METTL15: variants seen among roughly 807,000 people sequenced by gnomAD.
METTL15 encodes the protein methyltransferase 15, mitochondrial 12S rRNA N4-cytidine.
Under a neutral mutation model 38.3 loss-of-function variants are expected in METTL15, and 34 were observed. The observed-to-expected ratio is 0.89, with a 90% CI of 0.68 to 1.18. METTL15 has a LOEUF of 1.18. METTL15 is among the 50% of genes most tolerant of loss of function. METTL15 has a pLI of 0.00. For synonymous variants in METTL15, 162 were observed against 170.9 expected (o/e 0.95, Z 0.41); for missense variants, 438 against 498.4 (o/e 0.88, Z 1.15).
At chr11:28,346,999 T>G (rs1336985918) in intron 3 of METTL15, among the ~76,000 whole-genome samples, 2 of 152,206 alleles carry the variant, frequency 1.3e-5, no homozygotes, top group Non-Finnish European at 2.9e-5. Context: ...AGCTCAAAAA[T>G]GTCTATGACT....
chr11:28,288,570 C>T (rs1021701718), intron 4 of METTL15, among the ~76,000 whole-genome samples: 2 of 152,000 alleles, frequency 1.3e-5, no homozygotes, highest in African/African-American at 4.8e-5. Flanking sequence ...GAACAGAAAA[C>T]CAAATACCAC....
At chr11:28,300,525 G>A (rs1218906164) in intron 6 of METTL15, among the ~76,000 whole-genome samples, 2 of 152,076 alleles carry the variant, frequency 1.3e-5, no homozygotes, top group African/African-American at 4.8e-5. Context: ...CCATATCATG[G>A]GAATTCCAAA....
In METTL15 at chr11:28,412,137, G is replaced by A. The variant is rs192641710; in HGVS notation, c.*359-12162G>A. 1.1e-4 allele frequency among the ~76,000 whole-genome samples: 16 copies of A among 152,136 alleles called. No homozygotes were observed. In the East Asian group the frequency reaches 3.1e-3, roughly 29 times the overall value. Reference sequence around the variant, plus strand: ...GGAGAAAGGGGAACTGTAGTATATTGCTGTTAGTAATGTAGATTGGTATAG... The same window carrying A: ...GGAGAAAGGGGAACTGTAGTATATTACTGTTAGTAATGTAGATTGGTATAG... On this transcript the variant is annotated intron_variant and NMD_transcript_variant, in intron 5 of 7. Coordinates refer to the METTL15 transcript ENST00000532947.
chr11:28,205,429 C>T (rs1292084916), intron 3 of METTL15, among the ~76,000 whole-genome samples: 2 of 152,118 alleles, frequency 1.3e-5, no homozygotes, highest in African/African-American at 4.8e-5. Context: ...CTACAAAGGA[C>T]ATGAACTCAT....
chr11:28,497,500 G>A (rs1851544646), intron 6 of METTL15, among the ~76,000 whole-genome samples: 1 of 152,110 alleles, frequency 6.6e-6, no homozygotes. Context: ...TGTCTCCTTG[G>A]CTTATAAGTC....
chr11:28,444,731 T>G (rs1422873891), intron 6 of METTL15, among the ~76,000 whole-genome samples: 1 of 152,214 alleles, frequency 6.6e-6, no homozygotes, highest in Non-Finnish European at 1.5e-5. Flanking sequence ...AGCATGAGGA[T>G]GGCTCTCATA....
At chr11:28,412,762 G>C (rs144979375) in intron 5 of METTL15, among the ~76,000 whole-genome samples, 28 of 152,082 alleles carry the variant, frequency 1.8e-4, no homozygotes, top group Non-Finnish European at 1.5e-5. Flanking sequence ...GAGATGGGGA[G>C]ATTTAGTTCA....
At chr11:28,444,650 A>G (rs1193127892) in intron 6 of METTL15, among the ~76,000 whole-genome samples, 1 of 152,166 alleles carries the variant, frequency 6.6e-6, no homozygotes. Context: ...TCATCTATGA[A>G]ATAGGGATAA....
intron 6 of METTL15, among the ~76,000 whole-genome samples, chr11:28,508,949 A>G (rs1029660382): frequency 5.9e-5 from 9 of 152,264 alleles, no homozygotes; most frequent in African/African-American, 2.2e-4. Context: ...ATGTTAACCT[A>G]CAGACTGACC....
intron 6 of METTL15, among the ~76,000 whole-genome samples, chr11:28,475,569 G>T (rs1851339106): frequency 1.3e-5 from 2 of 152,108 alleles, no homozygotes; most frequent in Admixed American, 1.3e-4. Context: ...TGCCATTGGT[G>T]GTCCAGATCT....
chr11:28,329,059 C>T (rs1230407334), intron 6 of METTL15, among the ~76,000 whole-genome samples: 1 of 151,980 alleles, frequency 6.6e-6, no homozygotes, highest in African/African-American at 2.4e-5. Flanking sequence ...AAGATTTAGC[C>T]TTATGTTTTG....
intron 3 of METTL15, among the ~76,000 whole-genome samples, chr11:28,118,846 A>T (rs1228705830): frequency 6.6e-6 from 1 of 152,198 alleles, no homozygotes. Context: ...TACTGTAAGG[A>T]TTAGATGAGT....
At chr11:28,260,360 C>G (rs1230633343) in intron 4 of METTL15, among the ~76,000 whole-genome samples, 1 of 152,170 alleles carries the variant, frequency 6.6e-6, no homozygotes, top group African/African-American at 2.4e-5. Context: ...ATCACTACCT[C>G]CGCTATCACT....
downstream of METTL15, among the ~76,000 whole-genome samples, chr11:28,531,699 A>T (rs1319802082): frequency 6.6e-6 from 1 of 152,108 alleles, no homozygotes. Context: ...GGTAGTAGTA[A>T]TATTTCACAA....
At chr11:28,300,573 AC>A (rs1375044909) in intron 6 of METTL15, among the ~76,000 whole-genome samples, 7 of 152,196 alleles carry the variant, frequency 4.6e-5, no homozygotes, top group Non-Finnish European at 8.8e-5. Flanking sequence ...CAGAGCACTT[AC>A]AAGCATTGTG....
intron 5 of METTL15, among the ~76,000 whole-genome samples, chr11:28,392,058 C>G (rs1221991977): frequency 6.6e-6 from 1 of 152,128 alleles, no homozygotes; most frequent in Non-Finnish European, 1.5e-5. Context: ...TTTTTGCAAT[C>G]TACTCTTCAG....
intron 4 of METTL15, among the ~76,000 whole-genome samples, chr11:28,244,035 G>A (rs1180682693): frequency 3.9e-5 from 6 of 152,096 alleles, no homozygotes. Flanking sequence ...GCTCAAAACA[G>A]ATGTTTTTTA....
Position 28,400,639 on chromosome 11 carries a change from A to C in METTL15, c.*359-23660A>C, listed in dbSNP as rs146298582. Among the ~76,000 whole-genome samples the C allele has an allele frequency of 2.4e-3, 368 of 152,006 alleles. 2 individuals are homozygous for C. The highest frequency in any genetic ancestry group is 4.6e-3 in the Non-Finnish European group (315 of 67,900). ...ATATTTTCCTGACATTTCTGCATTCAGCTTTCTTGCTCAGTGGTCTATACA... is the reference window on the plus strand; with the variant it reads ...ATATTTTCCTGACATTTCTGCATTCCGCTTTCTTGCTCAGTGGTCTATACA... On this transcript the variant is annotated intron_variant and NMD_transcript_variant, in intron 5 of 7. Transcript: ENST00000532947.
chr11:28,295,691 G>T (rs1025196229), intron 5 of METTL15, among the ~76,000 whole-genome samples: 1 of 152,020 alleles, frequency 6.6e-6, no homozygotes, highest in African/African-American at 2.4e-5. Context: ...ATGACAAATC[G>T]GGGGATAAGC....
Sources: gnomAD v4.1 joint callset for allele counts (sites outside exome capture counted in the v4.1 genomes callset) on GRCh38, gnomAD v4.1.1 for gene constraint, MANE v1.5 for transcripts, NCBI Gene and HGNC (gene_info 2026-07-23, HGNC 2026-07-21) for gene names.